Variants in FSTL5 observed in about 807,000 individuals in gnomAD.
The protein encoded by FSTL5 is follistatin like 5.
In FSTL5, 62 loss-of-function variants were observed where a neutral mutation model predicts 89.1. The ratio of observed to expected loss-of-function variants is 0.70; its 90% confidence interval spans 0.57 to 0.86. The LOEUF is 0.86. FSTL5 is among the 40% of genes least tolerant of loss of function. FSTL5 has a pLI of 0.00. For missense variants in FSTL5, 1,057 were observed against 1,001.6 expected, an observed-to-expected ratio of 1.06 and a Z score of -0.75; for synonymous variants, 383 against 346.2, an observed-to-expected ratio of 1.11 and a Z score of -1.18.
intron 4 of FSTL5, among the ~76,000 whole-genome samples, chr4:161,877,878 T>C (rs1219534197): frequency 6.6e-6 from 1 of 151,246 alleles, no homozygotes; most frequent in Non-Finnish European, 1.5e-5. Context: ...ATGGTCTCGA[T>C]CTCCTGACCT....
intron 4 of FSTL5, among the ~76,000 whole-genome samples, chr4:161,898,765 G>C (rs1226497850): frequency 6.6e-6 from 1 of 151,716 alleles, no homozygotes; most frequent in Non-Finnish European, 1.5e-5. Flanking sequence ...TAGTAGATGG[G>C]ACTACAGGCG....
intron 3 of FSTL5, among the ~76,000 whole-genome samples, chr4:162,021,971 A>C (rs1560974758): frequency 1.3e-5 from 2 of 151,928 alleles, no homozygotes; most frequent in African/African-American, 4.8e-5. Flanking sequence ...GGTGCCTGTA[A>C]TCCCAGCTAT....
chr4:161,588,476 A>G (rs895553287), intron 7 of FSTL5, among the ~76,000 whole-genome samples: 5 of 152,168 alleles, frequency 3.3e-5, no homozygotes, highest in African/African-American at 1.2e-4. Context: ...AGATAAATGC[A>G]TAACCATTTT....
intron 6 of FSTL5, among the ~76,000 whole-genome samples, chr4:161,671,536 C>T (rs761818269): frequency 1.3e-5 from 2 of 152,108 alleles, no homozygotes; most frequent in Non-Finnish European, 2.9e-5. Flanking sequence ...GCTGCTTTTA[C>T]GTTCCTTAGA....
At chr4:162,095,004 T>TA (rs1730695528) in intron 2 of FSTL5, among the ~76,000 whole-genome samples, 1 of 152,158 alleles carries the variant, frequency 6.6e-6, no homozygotes, top group African/African-American at 2.4e-5. Flanking sequence ...TTTTCAAAAA[T>TA]GGCTTTTCAT....
intron 12 of FSTL5, among the ~76,000 whole-genome samples, chr4:161,489,886 T>G (rs753565019): frequency 1.8e-4 from 27 of 151,698 alleles, no homozygotes; most frequent in Non-Finnish European, 3.7e-4. Flanking sequence ...ATGCAGCTTT[T>G]AAAACATGGC....
At chr4:161,898,098 T>A (rs981692415) in intron 4 of FSTL5, among the ~76,000 whole-genome samples, 2 of 148,056 alleles carry the variant, frequency 1.4e-5, no homozygotes, top group Non-Finnish European at 3.0e-5. Context: ...ATATATATAT[T>A]TTATTTTATG....
At chr4:162,048,137 G>C (rs1738257340) in intron 2 of FSTL5, among the ~76,000 whole-genome samples, 1 of 152,014 alleles carries the variant, frequency 6.6e-6, no homozygotes, top group South Asian at 2.1e-4. Flanking sequence ...GACCAGTCTG[G>C]ACAACATGGT....
At chr4:161,552,760 A>G (rs541415452) in intron 8 of FSTL5, among the ~76,000 whole-genome samples, 3 of 151,934 alleles carry the variant, frequency 2.0e-5, no homozygotes, top group South Asian at 4.1e-4. Flanking sequence ...GAATTGAAGG[A>G]TAAGTGATTG....
At chr4:161,706,308 T>C (rs1738577704) in intron 6 of FSTL5, among the ~76,000 whole-genome samples, 1 of 151,818 alleles carries the variant, frequency 6.6e-6, no homozygotes, top group Admixed American at 6.6e-5. Context: ...AATTTCCTTT[T>C]ATAGGTAGGA....
intron 15 of FSTL5, among the ~76,000 whole-genome samples, chr4:161,389,984 A>G (rs939583499): frequency 6.6e-6 from 1 of 152,162 alleles, no homozygotes; most frequent in South Asian, 2.1e-4. Context: ...CCATTCATGT[A>G]TATTAGAGAG....
chr4:161,935,451 T>G (rs547822768), intron 3 of FSTL5, among the ~76,000 whole-genome samples: 1 of 152,276 alleles, frequency 6.6e-6, no homozygotes, highest in Admixed American at 6.5e-5. Context: ...TCTTACTGAT[T>G]ACTGTCCTCA....
At chr4:161,726,898 G>T (rs1281498470) in intron 6 of FSTL5, among the ~76,000 whole-genome samples, 1 of 88,120 alleles carries the variant, frequency 1.1e-5, no homozygotes. Flanking sequence ...ATATCCCAAA[G>T]AGCAAAAAAA....
chr4:161,926,420 T>G (rs545009288), intron 3 of FSTL5, among the ~76,000 whole-genome samples: 13 of 24,694 alleles, frequency 5.3e-4, no homozygotes, highest in East Asian at 1.3e-3. Context: ...TTGTTTTTTG[T>G]TTTTTTACAA....
intron 3 of FSTL5, among the ~76,000 whole-genome samples, chr4:162,015,949 A>C (rs1190620748): frequency 6.6e-6 from 1 of 152,164 alleles, no homozygotes; most frequent in Admixed American, 6.6e-5. Flanking sequence ...TACTTTCTTC[A>C]ATTTCAAAAT....
At chr4:161,823,336 G>C (rs906787326) in intron 4 of FSTL5, among the ~76,000 whole-genome samples, 20 of 152,284 alleles carry the variant, frequency 1.3e-4, no homozygotes, top group Middle Eastern at 3.4e-3. Context: ...TCTGCAGGCT[G>C]TCACCAAGGT....
chr4:161,827,525 C>A (rs567962367), intron 4 of FSTL5, among the ~76,000 whole-genome samples: 3 of 152,282 alleles, frequency 2.0e-5, no homozygotes, highest in Non-Finnish European at 2.9e-5. Flanking sequence ...CAAGAGAACA[C>A]GCCCTTTGTC....
intron 4 of FSTL5, among the ~76,000 whole-genome samples, chr4:161,893,940 A>G (rs1465925275): frequency 6.6e-6 from 1 of 152,164 alleles, no homozygotes; most frequent in Non-Finnish European, 1.5e-5. Flanking sequence ...ACTCCTGCAA[A>G]CTTTATTGTA....
At chr4:162,023,645 T>C (rs925688104) in intron 3 of FSTL5, among the ~76,000 whole-genome samples, 1 of 152,198 alleles carries the variant, frequency 6.6e-6, no homozygotes, top group African/African-American at 2.4e-5. Flanking sequence ...TGCCAGACTA[T>C]AGAATCTGCA....
Sources: gnomAD v4.1 joint callset for allele counts (sites outside exome capture counted in the v4.1 genomes callset) on GRCh38, gnomAD v4.1.1 for gene constraint, MANE v1.5 for transcripts, NCBI Gene and HGNC (gene_info 2026-07-23, HGNC 2026-07-21) for gene names.